Variants in CARF observed in about 807,000 individuals in gnomAD.
CARF encodes the protein calcium responsive transcription factor.
Under a neutral mutation model 82.0 loss-of-function variants are expected in CARF, and 57 were observed. The observed-to-expected ratio is 0.70, with a 90% confidence interval of 0.56 to 0.87. The LOEUF is 0.87. Ranked by LOEUF, CARF falls within the 40% of genes least tolerant of loss-of-function variation. The probability of loss-of-function intolerance (pLI) is 0.00; values close to 1 mark genes in which losing one functional copy is unlikely to be tolerated. For missense variants in CARF, 771 were observed against 855.8 expected (o/e 0.90, Z 1.24); for synonymous variants, 268 against 290.1 (o/e 0.92, Z 0.77).
At chr2:202,927,759 G>A (rs1172989546) in intron 3 of CARF, among the ~76,000 whole-genome samples, 1 of 150,772 alleles carries the variant, frequency 6.6e-6, no homozygotes, top group African/African-American at 2.4e-5. Flanking sequence ...TCACCCTATA[G>A]TGCTATAGAA....
intron 9 of CARF, among the ~76,000 whole-genome samples, chr2:202,963,321 A>C (rs1027234908): frequency 1.7e-4 from 26 of 152,154 alleles, no homozygotes; most frequent in African/African-American, 6.3e-4. Flanking sequence ...GTCTCAAAAA[A>C]AAAAAAAAAA....
chr2:202,961,285 GA>G lies in CARF; in HGVS notation c.694del (p.Ser232ValfsTer3). The G allele has an allele frequency of 6.2e-7, 1 of 1,614,154 alleles. No individual in the cohort carries two copies. The highest frequency in any genetic ancestry group is 8.5e-7 in the Non-Finnish European group (1 of 1,180,004). On this transcript the variant is annotated frameshift_variant, in exon 9 of 17. Transcript: ENST00000438828. LOFTEE classifies it high-confidence loss of function. The part of the protein sequence containing the change: ...RGYCVSETEL[E>X]SVLTFHKQQT... ...CTACTGTGTAAGTGAGACTGAATTA[GA>G]AAGTGTCCTAACATTTCACAAGCAG...
intron 5 of CARF, among the ~76,000 whole-genome samples, chr2:202,947,395 A>G (rs1395893302): frequency 3.3e-5 from 5 of 152,124 alleles, no homozygotes; most frequent in South Asian, 2.1e-4. Flanking sequence ...CAAACACCTA[A>G]TGTTCTCACT....
chr2:202,926,476 G>A (rs890898629), intron 3 of CARF, among the ~76,000 whole-genome samples: 1 of 152,046 alleles, frequency 6.6e-6, no homozygotes, highest in African/African-American at 2.4e-5. Flanking sequence ...TTTTTACACC[G>A]ATACCATAAT....
Position 202,987,121 on chromosome 2 carries a change from C to T in CARF, c.*3497C>T, listed in dbSNP as rs1330817261. On this transcript the variant is annotated 3_prime_UTR_variant, in exon 17 of 17. Coordinates refer to ENST00000438828, the MANE Select transcript of CARF (RefSeq NM_024744.17). ...AACCTGAAAGTTTTAAGCATAACTA[C>T]AAGTAACTCCTGTTAGCATTACATT... 6.6e-6 allele frequency: 1 copy of T among 151,326 alleles called. No homozygotes were observed. The highest frequency in any genetic ancestry group is 1.5e-5 in the Non-Finnish European group (1 of 67,884). 9.4% of individuals were successfully genotyped at this position (151,326 alleles called of 1,614,324 possible).
intron 7 of CARF, among the ~76,000 whole-genome samples, chr2:202,954,710 T>TAA (rs35250610): frequency 6.6e-5 from 8 of 120,884 alleles, no homozygotes; most frequent in African/African-American, 9.5e-5. Flanking sequence ...AGACATCATT[T>TAA]AAAAAAAAAA....
At position 202,984,067 on chromosome 2, in the gene CARF, C is replaced by T. The variant is rs1203736774; in HGVS notation, c.*443C>T. 1.3e-5 allele frequency: 2 copies of T among 152,716 alleles called. No individual in the cohort carries two copies. The highest frequency in any genetic ancestry group is 6.6e-5 in the Admixed American group (1 of 15,266). The allele number at this position is 152,716 out of a possible 1,614,324, so 9.5% of individuals were successfully genotyped here. A position where few individuals can be genotyped will look rare whatever the true frequency, so the allele number is the denominator to read the frequency against. On this transcript the variant is annotated 3_prime_UTR_variant, in exon 17 of 17. Coordinates refer to ENST00000438828, the MANE Select transcript of CARF (RefSeq NM_024744.17). ...TAAGTTCTGAAAAAGAACTTGTTCT[C>T]TCCTTAAAGTTGTGAAGAAATTGTT...
chr2:202,940,467 A>G (rs182891154), intron 3 of CARF, among the ~76,000 whole-genome samples: 1 of 152,202 alleles, frequency 6.6e-6, no homozygotes. Flanking sequence ...GGCTGTCTGA[A>G]TCTGGTGACT....
chr2:202,935,223 T>C (rs1410274214), intron 3 of CARF, among the ~76,000 whole-genome samples: 1 of 143,208 alleles, frequency 7.0e-6, no homozygotes, highest in African/African-American at 2.6e-5. Flanking sequence ...TCATTTACTA[T>C]ACTAATATAT....
chr2:202,916,437 T>TC (rs1689681027), intron 1 of CARF, among the ~76,000 whole-genome samples: 1 of 152,134 alleles, frequency 6.6e-6, no homozygotes, highest in Non-Finnish European at 1.5e-5. Context: ...CACCTTGGCC[T>TC]CCCAAAGTGC....
chr2:202,931,109 G>A (rs759602095), intron 3 of CARF, among the ~76,000 whole-genome samples: 3 of 151,392 alleles, frequency 2.0e-5, no homozygotes, highest in Non-Finnish European at 2.9e-5. Context: ...TAGTAGCTGG[G>A]TTTACAGGCA....
intron 5 of CARF, among the ~76,000 whole-genome samples, chr2:202,947,738 A>C (rs1331245901): frequency 6.6e-6 from 1 of 152,234 alleles, no homozygotes; most frequent in Non-Finnish European, 1.5e-5. Context: ...AGTTCGATAT[A>C]GATGCTGGAT....
At chr2:202,937,459 A>T (rs190026583) in intron 3 of CARF, among the ~76,000 whole-genome samples, 35 of 138,774 alleles carry the variant, frequency 2.5e-4, no homozygotes, top group South Asian at 1.1e-3. Context: ...TTTTTGAAAT[A>T]TTTTTTTTTG....
At chr2:202,929,243 A>G (rs1417906622) in intron 3 of CARF, among the ~76,000 whole-genome samples, 1 of 152,220 alleles carries the variant, frequency 6.6e-6, no homozygotes, top group Admixed American at 6.5e-5. Context: ...GGTCTTAGCC[A>G]TAAAAATCTT....
At chr2:202,977,037 G>A (rs2060059361) in intron 13 of CARF, among the ~76,000 whole-genome samples, 1 of 152,022 alleles carries the variant, frequency 6.6e-6, no homozygotes, top group Non-Finnish European at 1.5e-5. Context: ...CTAAATGTTA[G>A]AAGTAGTCCT....
chr2:202,917,097 G>A (rs1398131530), intron 1 of CARF, among the ~76,000 whole-genome samples: 2 of 149,144 alleles, frequency 1.3e-5, no homozygotes, highest in African/African-American at 4.9e-5. Flanking sequence ...TGTAGTCCCA[G>A]CTACTTGGGA....
chr2:202,922,353 G>C (rs186105192), intron 2 of CARF, among the ~76,000 whole-genome samples: 36 of 152,262 alleles, frequency 2.4e-4, no homozygotes, highest in African/African-American at 8.4e-4. Flanking sequence ...CTGGATTCAA[G>C]TGACCTGCCT....
At chr2:202,930,968 CTTTTTTTTTTTTT>C (rs1007407230) in intron 3 of CARF, among the ~76,000 whole-genome samples, 1 of 103,216 alleles carries the variant, frequency 9.7e-6, no homozygotes, top group African/African-American at 3.7e-5. Flanking sequence ...TTTTTCTTTT[CTTTTTTTTTTTTT>C]TTTTTTTTTG....
rs1688894141 is a variant in CARF, at chr2:202,912,887, TC to T, written c.-541del. On this transcript the variant is annotated 5_prime_UTR_variant, in exon 1 of 17. Transcript: ENST00000438828. Reference sequence around the variant, plus strand: ...GGGAAAATCATCCTCCCACACCTTCTCCCCGACTTTTTGCCTTTTTTGTCTT... The same window carrying T: ...GGGAAAATCATCCTCCCACACCTTCTCCCGACTTTTTGCCTTTTTTGTCTT... The T allele has an allele frequency of 6.6e-6, 1 of 152,188 alleles. No homozygotes were observed. The highest frequency in any genetic ancestry group is 2.4e-5 in the African/African-American group (1 of 41,444). The allele number at this position is 152,188 out of a possible 1,614,324, so 9.4% of individuals were successfully genotyped here. A position where few individuals can be genotyped will look rare whatever the true frequency, so the allele number is the denominator to read the frequency against.
Sources: allele counts gnomAD v4.1 joint callset (sites outside exome capture counted in the v4.1 genomes callset), GRCh38; gene constraint gnomAD v4.1.1; transcripts MANE v1.5; gene names NCBI Gene and HGNC (gene_info 2026-07-23, HGNC 2026-07-21).